The following NPHP4 variants were observed in gnomAD, a reference collection of about 807,000 sequenced individuals.
The protein encoded by NPHP4 is nephrocystin-4.
In NPHP4, 151 loss-of-function variants were observed where a neutral mutation model predicts 155.8. The observed-to-expected ratio is 0.97, with a 90% CI of 0.85 to 1.11. The LOEUF is 1.11. NPHP4 is among the 50% of genes least tolerant of loss of function. The pLI is 0.00. For synonymous variants in NPHP4, 845 were observed against 816.8 expected (o/e 1.03, Z -0.59); for missense variants, 1,956 against 1,925.7 (o/e 1.02, Z -0.29).
rs552659547 is a variant in NPHP4 at position 5,984,684 on chromosome 1, G to A, written c.135+1471C>T. Among the ~76,000 whole-genome samples, 13 of 152,322 alleles carry A rather than the reference G, an allele frequency of 8.5e-5. 1 individual carries two copies. In the South Asian group the frequency reaches 2.7e-3, roughly 32 times the overall value. ...ACACTGTATCTAGGGTGATACACCA[G>A]GTGCCTGGGGATGCCATGGGATGAT... On this transcript the variant is annotated intron_variant, in intron 2 of 29. Transcript: ENST00000378156.
At chr1:5,972,062 T>C (rs577027505) in intron 3 of NPHP4, among the ~76,000 whole-genome samples, 58 of 152,274 alleles carry the variant, frequency 3.8e-4, no homozygotes, top group Non-Finnish European at 6.6e-4. Flanking sequence ...CCTCTGCCGA[T>C]GTGCCTGGAT....
Position 5,927,753 on chromosome 1 carries a change from T to G in NPHP4, c.1337A>C (p.Gln446Pro). The G allele has an allele frequency of 3.7e-6, 6 of 1,613,328 alleles. No homozygotes were observed. The highest frequency in any genetic ancestry group is 5.1e-6 in the Non-Finnish European group (6 of 1,179,414). Residue 446 changes from glutamine (Q) to proline (P), a missense_variant, in exon 11 of 30, where the codon CAG (glutamine) becomes CCG (proline). Gln to Pro is a moderately conservative substitution (Grantham distance 76). Coordinates refer to ENST00000378156, the MANE Select transcript of NPHP4 (RefSeq NM_015102.5). The stretch of plus-strand genomic sequence containing the variant: ...GTGTTCTTCTGAGCCCAGCGAGAAC[T>G]GGAACCGGAGTGTACCCGACTCCAC... ...KQVESGTLRF[Q>P]FSLGSEEHLD...
intron 11 of NPHP4, among the ~76,000 whole-genome samples, chr1:5,922,904 G>GGTGGATTGCTTGAGAGGCA (rs1645816075): frequency 6.6e-6 from 1 of 151,958 alleles, no homozygotes; most frequent in Non-Finnish European, 1.5e-5. Context: ...AGGCTGAGGC[G>GGTGGATTGCTTGAGAGGCA]GGTGGATTGC....
intron 2 of NPHP4, 83 bp downstream of exon 2, chr1:5,986,072 C>T: frequency 6.7e-7 from 1 of 1,489,492 alleles, no homozygotes; most frequent in Non-Finnish European, 9.3e-7. Flanking sequence ...GCATCGTAAG[C>T]CAGGGACCAT....
intron 11 of NPHP4, among the ~76,000 whole-genome samples, chr1:5,918,006 G>A (rs186109046): frequency 1.1e-3 from 174 of 152,328 alleles, no homozygotes; most frequent in African/African-American, 4.1e-3. Context: ...CAATGCGCAC[G>A]CAGCGAGAGT....
At chr1:5,868,709 CCA>C (rs140817042) in intron 23 of NPHP4, among the ~76,000 whole-genome samples, 34,236 of 146,170 alleles carry the variant, frequency 0.23, 3,857 homozygotes, top group South Asian at 0.28. Context: ...CACGCATGCC[CCA>C]CACACACACA....
At chr1:5,918,770 G>A (rs1265375247) in intron 11 of NPHP4, among the ~76,000 whole-genome samples, 5 of 152,184 alleles carry the variant, frequency 3.3e-5, no homozygotes, top group Non-Finnish European at 7.3e-5. Context: ...TTTAGAGGAT[G>A]TGTATCCCAA....
chr1:5,911,974 G>A (rs1404852447), intron 11 of NPHP4, among the ~76,000 whole-genome samples: 1 of 152,224 alleles, frequency 6.6e-6, no homozygotes, highest in Non-Finnish European at 1.5e-5. Context: ...GGACTTGGCT[G>A]ACAAGCACCT....
In NPHP4 at chr1:5,867,142, G is replaced by A. The variant is rs150556194; in HGVS notation, c.3473-27C>T. 6.4e-4 allele frequency: 996 copies of A among 1,562,264 alleles called. 9 individuals are homozygous for A. In the African/African-American group the frequency reaches 0.012, roughly 19 times the overall value. On this transcript the variant is annotated intron_variant, in intron 24 of 29. Coordinates refer to ENST00000378156, the MANE Select transcript of NPHP4 (RefSeq NM_015102.5). The surrounding 1 kb of genome is among the most constrained non-coding windows in gnomAD (Gnocchi z 4.1). Reference sequence around the variant, plus strand: ...TGGAGCAGGGGAAATGTCAAAAAGAGTCTTCTCCACAGCCCCAGCCTGTGT... The same window carrying A: ...TGGAGCAGGGGAAATGTCAAAAAGAATCTTCTCCACAGCCCCAGCCTGTGT...
intron 5 of NPHP4, 123 bp downstream of exon 5, chr1:5,967,176 G>C (rs183381705): frequency 2.6e-6 from 2 of 769,764 alleles, no homozygotes; most frequent in Middle Eastern, 2.6e-4. Flanking sequence ...AAACCTCTTA[G>C]ATAAATTAGC....
chr1:5,880,445 A>T (rs1484897374), intron 18 of NPHP4: 1 of 559,022 alleles, frequency 1.8e-6, no homozygotes, highest in Non-Finnish European at 3.2e-6. Flanking sequence ...CTAGGTCTTC[A>T]TTCTCCTGCC....
chr1:5,930,718 G>A (rs1223811708), intron 10 of NPHP4, among the ~76,000 whole-genome samples: 1 of 152,162 alleles, frequency 6.6e-6, no homozygotes, highest in Non-Finnish European at 1.5e-5. Flanking sequence ...TGTTCCATGT[G>A]CACTTGTAAA....
chr1:5,905,335 G>A lies in NPHP4; in HGVS notation c.1912C>T (p.Leu638=), dbSNP rs1323939726. The change falls in exon 15 of 30, where the codon CTA becomes TTA. Residue 638 remains leucine, a synonymous_variant. Coordinates refer to ENST00000378156, the MANE Select transcript of NPHP4 (RefSeq NM_015102.5). The surrounding 1 kb of genome is among the most constrained non-coding windows in gnomAD (Gnocchi z 4.0). ...FNPQKEESDC[L]QSNEMVLQFL... ...TGTAGCACCATCTCGTTGCTTTGTA[G>A]ACAATCTGATTCTTCCTTCTGAGGG... The A allele has an allele frequency of 1.9e-6, 3 of 1,613,914 alleles. No individual in the cohort carries two copies. Among genetic ancestry groups the A allele is most frequent in the Non-Finnish European group, 2.5e-6 (3 of 1,179,794 alleles).
chr1:5,873,852 G>C, intron 22 of NPHP4: 1 of 225,746 alleles, frequency 4.4e-6, no homozygotes, highest in Non-Finnish European at 8.6e-6. Flanking sequence ...ACACACAACT[G>C]CATGTCTGCA....
intron 9 of NPHP4, among the ~76,000 whole-genome samples, chr1:5,937,933 C>T (rs966736843): frequency 6.6e-6 from 1 of 152,228 alleles, no homozygotes; most frequent in East Asian, 1.9e-4. Flanking sequence ...GGAACACGCG[C>T]AGTCACACTC....
At chr1:5,897,402 G>A (rs1009969033) in intron 16 of NPHP4, among the ~76,000 whole-genome samples, 6 of 152,166 alleles carry the variant, frequency 3.9e-5, no homozygotes, top group Non-Finnish European at 5.9e-5. Context: ...CCGAATCAGC[G>A]TCGTAACAAT....
intron 7 of NPHP4, 74 bp downstream of exon 7, chr1:5,952,613 TACCCTGCCCCACC>T (rs1648356223): frequency 2.2e-5 from 1 of 44,904 alleles, no homozygotes; most frequent in Non-Finnish European, 4.4e-5. Flanking sequence ...CACCCACCCC[TACCCTGCCCCACC>T]TCCTCCCTGC....
chr1:5,931,578 A>G (rs756401246), intron 10 of NPHP4, among the ~76,000 whole-genome samples: 6 of 151,792 alleles, frequency 4.0e-5, no homozygotes, highest in Non-Finnish European at 8.8e-5. Flanking sequence ...TACTAAAAAT[A>G]TAAAAATTAG....
At chr1:5,931,549 C>G (rs1646273770) in intron 10 of NPHP4, among the ~76,000 whole-genome samples, 1 of 151,882 alleles carries the variant, frequency 6.6e-6, no homozygotes, top group African/African-American at 2.4e-5. Context: ...GCCTGGCCAA[C>G]ATGATGAAAC....
Sources: gnomAD v4.1 joint callset for allele counts (sites outside exome capture counted in the v4.1 genomes callset) on GRCh38, gnomAD v4.1.1 for gene constraint, Gnocchi (gnomAD v3.1) non-coding constraint, MANE v1.5 for transcripts, NCBI Gene and HGNC (gene_info 2026-07-23, HGNC 2026-07-21) for gene names.